The following FBXL20 variants were observed in gnomAD, a reference collection of about 807,000 sequenced individuals.
FBXL20 encodes the protein F-box/LRR-repeat protein 20.
FBXL20 carries 11 observed loss-of-function variants against 64.0 expected under a neutral mutation model. The ratio of observed to expected loss-of-function variants is 0.17; its 90% CI spans 0.11 to 0.28. The LOEUF is 0.28. Among genes scored for constraint, FBXL20 ranks in the 10% least tolerant of loss-of-function variants. The probability of loss-of-function intolerance (pLI) is 1.00; values close to 1 mark genes in which losing one functional copy is unlikely to be tolerated. For missense variants in FBXL20, 303 were observed against 526.2 expected (o/e 0.58, Z 4.15); for synonymous variants, 184 against 189.0 (o/e 0.97, Z 0.22).
intron 1 of FBXL20, among the ~76,000 whole-genome samples, chr17:39,351,733 A>C (rs2047689000): frequency 6.6e-6 from 1 of 152,172 alleles, no homozygotes; most frequent in Non-Finnish European, 1.5e-5. Context: ...CAAGGAAGTA[A>C]TCAGCAGAAA....
chr17:39,292,149 G>T lies in FBXL20; in HGVS notation c.398+4978C>A, dbSNP rs77222571. ...TATCAAGTTCATTGATAGTGTTGCT[G>T]AAGTCCTTAATAGCTTTACTGCTTT... is the stretch of plus-strand genomic sequence containing the variant. On this transcript the variant is annotated intron_variant, in intron 6 of 14. Coordinates refer to ENST00000264658, the MANE Select transcript of FBXL20 (RefSeq NM_032875.3). 9.3e-5 allele frequency among the ~76,000 whole-genome samples: 14 copies of T among 150,636 alleles called. 1 individual carries two copies. Among genetic ancestry groups the T allele is most frequent in the Admixed American group, 4.6e-4 (7 of 15,150 alleles).
At chr17:39,340,719 A>C (rs1201497933) in intron 2 of FBXL20, among the ~76,000 whole-genome samples, 1 of 152,154 alleles carries the variant, frequency 6.6e-6, no homozygotes, top group African/African-American at 2.4e-5. Context: ...AAGATACATA[A>C]AAGCCTAATA....
At chr17:39,374,918 C>T (rs1004862374) in intron 1 of FBXL20, among the ~76,000 whole-genome samples, 1 of 152,174 alleles carries the variant, frequency 6.6e-6, no homozygotes. Context: ...TCCCGAGCAG[C>T]CGGGACTACA....
chr17:39,401,768 A>C, upstream of FBXL20: 1 of 1,018,178 alleles, frequency 9.8e-7, no homozygotes, highest in Non-Finnish European at 1.2e-6. Context: ...GCGGCGCGAG[A>C]CCACCCCTCC....
rs368826115 is a variant in FBXL20 at position 39,267,800 on chromosome 17, G to A, written c.933+1027C>T. On this transcript the variant is annotated intron_variant, in intron 12 of 14. Transcript: ENST00000264658. Reference sequence around the variant, plus strand: ...GGTGGGCGAGCAGGCAGGCATGTCCGTTCAGAAGGAATAACACTGGAAGGG... The same window carrying A: ...GGTGGGCGAGCAGGCAGGCATGTCCATTCAGAAGGAATAACACTGGAAGGG... 8.6e-4 allele frequency among the ~76,000 whole-genome samples: 131 copies of A among 152,280 alleles called. 1 individual carries two copies. Among genetic ancestry groups the A allele is most frequent in the African/African-American group, 2.8e-3 (118 of 41,560 alleles).
chr17:39,307,030 T>C (rs1210239441), intron 2 of FBXL20, among the ~76,000 whole-genome samples: 4 of 152,148 alleles, frequency 2.6e-5, no homozygotes, highest in Admixed American at 6.6e-5. Flanking sequence ...GAGAACCGGA[T>C]AGGTGGATAC....
intron 1 of FBXL20, among the ~76,000 whole-genome samples, chr17:39,349,691 C>G (rs975687676): frequency 6.6e-6 from 1 of 152,128 alleles, no homozygotes; most frequent in Non-Finnish European, 1.5e-5. Context: ...AATCCCAGCA[C>G]TTTGGGAGGC....
At chr17:39,379,291 A>C (rs973198590) in intron 1 of FBXL20, among the ~76,000 whole-genome samples, 8 of 151,824 alleles carry the variant, frequency 5.3e-5, no homozygotes, top group Admixed American at 3.9e-4. Flanking sequence ...GATATGGAGA[A>C]ACTTGAGCCC....
At chr17:39,372,667 G>T (rs1367774988) in intron 1 of FBXL20, among the ~76,000 whole-genome samples, 2 of 144,980 alleles carry the variant, frequency 1.4e-5, no homozygotes, top group African/African-American at 5.1e-5. Flanking sequence ...CCAGGCTGTA[G>T]TGCAATGGTG....
chr17:39,392,783 C>T (rs935506066), intron 1 of FBXL20, among the ~76,000 whole-genome samples: 2 of 152,064 alleles, frequency 1.3e-5, no homozygotes, highest in African/African-American at 2.4e-5. Flanking sequence ...GAGGCCAAGG[C>T]GGGTGGATCA....
intron 2 of FBXL20, among the ~76,000 whole-genome samples, chr17:39,339,376 A>G (rs2144562617): frequency 6.6e-6 from 1 of 152,202 alleles, no homozygotes; most frequent in Non-Finnish European, 1.5e-5. Context: ...CTGAGATGGA[A>G]GGATCACTTC....
At chr17:39,385,851 G>T (rs145137738) in intron 1 of FBXL20, among the ~76,000 whole-genome samples, 102 of 151,528 alleles carry the variant, frequency 6.7e-4, no homozygotes, top group African/African-American at 2.3e-3. Context: ...CAAACATGAT[G>T]AAATCCTGTC....
rs376671387 is a variant in FBXL20, at chr17:39,344,747, G to A, written c.43-1506C>T. On this transcript the variant is annotated intron_variant, in intron 1 of 14. Coordinates refer to ENST00000264658, the MANE Select transcript of FBXL20 (RefSeq NM_032875.3). ...AGAGCTTGCAGTGAGCCAAGATGGCGCCCCTACACCCCAGCCTGGGTGACA... is the reference window on the plus strand; with the variant it reads ...AGAGCTTGCAGTGAGCCAAGATGGCACCCCTACACCCCAGCCTGGGTGACA... 1.7e-4 allele frequency among the ~76,000 whole-genome samples: 26 copies of A among 152,200 alleles called. 1 individual carries two copies. In the South Asian group the frequency reaches 3.1e-3, roughly 18 times the overall value.
At chr17:39,300,637 G>A (rs1185708453) in intron 4 of FBXL20, among the ~76,000 whole-genome samples, 2 of 151,948 alleles carry the variant, frequency 1.3e-5, no homozygotes, top group African/African-American at 2.4e-5. Context: ...ATATACGAAC[G>A]CCATCCCAAC....
At chr17:39,364,188 G>A (rs1401570790) in intron 1 of FBXL20, among the ~76,000 whole-genome samples, 1 of 151,958 alleles carries the variant, frequency 6.6e-6, no homozygotes, top group African/African-American at 2.4e-5. Context: ...ACTGCGCCTG[G>A]GTCCCAATGA....
intron 2 of FBXL20, among the ~76,000 whole-genome samples, chr17:39,323,188 C>T (rs2047374930): frequency 6.6e-6 from 1 of 152,038 alleles, no homozygotes; most frequent in Non-Finnish European, 1.5e-5. Flanking sequence ...CCAGGATGGT[C>T]TTGATCTCCT....
chr17:39,322,993 CAG>C (rs2047372583), intron 2 of FBXL20, among the ~76,000 whole-genome samples: 1 of 132,686 alleles, frequency 7.5e-6, no homozygotes. Context: ...TTTTTTGAGA[CAG>C]AGTCTCACTC....
chr17:39,355,165 C>G (rs2144599407), intron 1 of FBXL20, among the ~76,000 whole-genome samples: 1 of 152,130 alleles, frequency 6.6e-6, no homozygotes, highest in East Asian at 1.9e-4. Context: ...CTCCTGACCT[C>G]AAGTGATCCA....
intron 1 of FBXL20, among the ~76,000 whole-genome samples, chr17:39,360,405 T>G (rs1017836029): frequency 6.6e-6 from 1 of 152,152 alleles, no homozygotes; most frequent in African/African-American, 2.4e-5. Context: ...GCATATTTTA[T>G]AATAAAAATG....
Sources: gnomAD v4.1 joint callset for allele counts (sites outside exome capture counted in the v4.1 genomes callset) on GRCh38, gnomAD v4.1.1 for gene constraint, MANE v1.5 for transcripts, NCBI Gene and HGNC (gene_info 2026-07-23, HGNC 2026-07-21) for gene names.